ARMH3: variants seen among roughly 807,000 people sequenced by gnomAD.
The protein encoded by ARMH3 is armadillo-like helical domain-containing protein 3.
Under a neutral mutation model 99.1 loss-of-function variants are expected in ARMH3, and 60 were observed. The observed-to-expected ratio is 0.61, with a 90% CI of 0.49 to 0.75. ARMH3 has a LOEUF of 0.75. ARMH3 is among the 30% of genes least tolerant of loss of function. ARMH3 has a pLI of 0.00. For missense variants in ARMH3, 679 were observed against 843.1 expected, an observed-to-expected ratio of 0.81 and a Z score of 2.41; for synonymous variants, 285 against 292.8, an observed-to-expected ratio of 0.97 and a Z score of 0.27.
chr10:102,009,971 A>G lies in ARMH3; in HGVS notation c.878+6T>C. The G allele has an allele frequency of 6.2e-7, 1 of 1,613,576 alleles. No individual in the cohort carries two copies. Among genetic ancestry groups the G allele is most frequent in the Non-Finnish European group, 8.5e-7 (1 of 1,179,558 alleles). ...AAGTCACTGCACAAGAATGTCAGGC[A>G]CTTACTGTACTGAGATTTTCTCATG... On this transcript the variant is annotated splice_donor_region_variant and intron_variant, in intron 12 of 25. Transcript: ENST00000370033.
intron 8 of ARMH3, among the ~76,000 whole-genome samples, chr10:102,018,379 A>G (rs1349578197): frequency 6.6e-6 from 1 of 152,230 alleles, no homozygotes; most frequent in Non-Finnish European, 1.5e-5. Context: ...TCAATTTTTC[A>G]TTAAAATCAG....
At chr10:102,038,076 AAAAG>A (rs896556452) in intron 2 of ARMH3, among the ~76,000 whole-genome samples, 2 of 151,798 alleles carry the variant, frequency 1.3e-5, no homozygotes, top group African/African-American at 2.4e-5. Context: ...GCTTGCGTAA[AAAAG>A]AAAGAATCCT....
chr10:102,014,954 A>G (rs560956059), intron 8 of ARMH3, among the ~76,000 whole-genome samples: 18 of 152,328 alleles, frequency 1.2e-4, no homozygotes, highest in African/African-American at 3.4e-4. Flanking sequence ...AAAAAAACTC[A>G]TAACTAAGAA....
At chr10:101,872,251 G>A (rs2067147852) in intron 24 of ARMH3, among the ~76,000 whole-genome samples, 1 of 98,130 alleles carries the variant, frequency 1.0e-5, no homozygotes. Context: ...GTGTAACAAC[G>A]TGTGTGTGTG....
intron 24 of ARMH3, among the ~76,000 whole-genome samples, chr10:101,888,131 C>CA (rs879703449): frequency 1.4e-4 from 21 of 150,876 alleles, no homozygotes; most frequent in African/African-American, 4.2e-4. Context: ...AAAGTCACCC[C>CA]TTCTCTTACT....
At chr10:101,921,904 G>A (rs549856723) in intron 23 of ARMH3, among the ~76,000 whole-genome samples, 2 of 152,210 alleles carry the variant, frequency 1.3e-5, no homozygotes, top group South Asian at 2.1e-4. Context: ...GAAGGAATAC[G>A]TTCTAATGTT....
chr10:101,933,250 A>G (rs543716562), intron 23 of ARMH3, among the ~76,000 whole-genome samples: 3 of 152,328 alleles, frequency 2.0e-5, no homozygotes, highest in African/African-American at 7.2e-5. Flanking sequence ...ACAAGTAATA[A>G]AAAATAGGGC....
chr10:102,006,768 T>C, intron 13 of ARMH3, 135 bp from the exon 14 acceptor site: 1 of 681,962 alleles, frequency 1.5e-6, no homozygotes, highest in Non-Finnish European at 2.4e-6. Flanking sequence ...TGCTATGTTG[T>C]CCAAGCTGGT....
At chr10:102,052,671 C>G (rs2136303224) in intron 1 of ARMH3, among the ~76,000 whole-genome samples, 1 of 152,298 alleles carries the variant, frequency 6.6e-6, no homozygotes, top group Non-Finnish European at 1.5e-5. Context: ...TACTAAATTA[C>G]AGTCCCTGCC....
intron 11 of ARMH3, 141 bp from the exon 12 acceptor site, chr10:102,010,164 C>T: frequency 1.6e-6 from 1 of 634,674 alleles, no homozygotes; most frequent in African/African-American, 1.9e-5. Flanking sequence ...AAGTCACACA[C>T]ACCAAAACCA....
At chr10:101,979,550 C>T (rs1450059503) in intron 19 of ARMH3, among the ~76,000 whole-genome samples, 3 of 151,860 alleles carry the variant, frequency 2.0e-5, no homozygotes, top group Non-Finnish European at 4.4e-5. Flanking sequence ...ATGCAAGGGT[C>T]GATTGAAAAT....
In ARMH3 at chr10:101,990,179, C is replaced by CT. The variant is rs762793068; in HGVS notation, c.1406+371dup. ...AAAGTATACACAGACCATGAACTTTCTTTTTTTTTTTTTTTTTTTCCCAGA... is the reference window on the plus strand; with the variant it reads ...AAAGTATACACAGACCATGAACTTTCTTTTTTTTTTTTTTTTTTTTCCCAGA... On this transcript the variant is annotated intron_variant, in intron 19 of 25. Transcript: ENST00000370033. Among the ~76,000 whole-genome samples the CT allele has an allele frequency of 5.9e-3, 790 of 134,532 alleles. 9 individuals are homozygous for CT. The highest frequency in any genetic ancestry group is 0.01 in the African/African-American group (385 of 36,952). The allele number at this position is 134,532 out of a possible 152,430, so 88.3% of individuals were successfully genotyped here. A position where few individuals can be genotyped will look rare whatever the true frequency, so the allele number is the denominator to read the frequency against.
At chr10:101,867,692 T>C (rs1345809507) in intron 24 of ARMH3, among the ~76,000 whole-genome samples, 1 of 151,296 alleles carries the variant, frequency 6.6e-6, no homozygotes, top group Non-Finnish European at 1.5e-5. Flanking sequence ...ATTAGCTGGG[T>C]GTGATGGTGC....
intron 13 of ARMH3, 95 bp from the exon 14 acceptor site, chr10:102,006,728 T>C (rs1377804765): frequency 5.8e-6 from 7 of 1,205,516 alleles, no homozygotes; most frequent in Admixed American, 4.7e-5. Context: ...ATTCTGGACC[T>C]TATAATTTTT....
chr10:101,931,849 G>C (rs751121347), intron 23 of ARMH3, among the ~76,000 whole-genome samples: 20 of 152,164 alleles, frequency 1.3e-4, no homozygotes, highest in Non-Finnish European at 2.2e-4. Flanking sequence ...CATTGGATTT[G>C]GCAATGATTT....
At chr10:101,917,398 C>A (rs1843130827) in intron 23 of ARMH3, among the ~76,000 whole-genome samples, 1 of 152,206 alleles carries the variant, frequency 6.6e-6, no homozygotes, top group South Asian at 2.1e-4. Context: ...CATAATGCAA[C>A]TGAATTAATC....
intron 1 of ARMH3, among the ~76,000 whole-genome samples, chr10:102,050,830 C>G (rs12775477): frequency 1.4e-5 from 2 of 147,896 alleles, no homozygotes; most frequent in East Asian, 2.0e-4. Context: ...GCACTCCAGC[C>G]TGGGTGACAG....
At chr10:102,002,962 A>G (rs1395153364) in intron 14 of ARMH3, among the ~76,000 whole-genome samples, 5 of 69,434 alleles carry the variant, frequency 7.2e-5, no homozygotes, top group Admixed American at 7.0e-4. Context: ...CTCTGTCACA[A>G]ATAAATAAAT....
chr10:101,945,756 A>G (rs902365062), intron 22 of ARMH3, among the ~76,000 whole-genome samples: 4 of 151,422 alleles, frequency 2.6e-5, no homozygotes, highest in Non-Finnish European at 4.4e-5. Flanking sequence ...GATTATAACC[A>G]ATCTCTGAGT....
Sources: allele counts gnomAD v4.1 joint callset (sites outside exome capture counted in the v4.1 genomes callset), GRCh38; gene constraint gnomAD v4.1.1; transcripts MANE v1.5; gene names NCBI Gene and HGNC (gene_info 2026-07-23, HGNC 2026-07-21).